Variants in TMEM17 observed in about 807,000 individuals in gnomAD.
TMEM17 encodes transmembrane protein 17.
TMEM17 carries 15 observed loss-of-function variants against 19.1 expected under a neutral mutation model. The ratio of observed to expected loss-of-function variants is 0.78; its 90% confidence interval spans 0.52 to 1.21. The LOEUF is 1.21. Among genes scored for constraint, TMEM17 ranks in the 50% most tolerant of loss-of-function variants. TMEM17 has a pLI of 0.00. For missense variants in TMEM17, 245 were observed against 242.3 expected (o/e 1.01, Z -0.07); for synonymous variants, 103 against 86.9 (o/e 1.19, Z -1.03).
At chr2:62,506,005 C>T in intron 1 of TMEM17, 25 bp downstream of exon 1, 1 of 1,593,858 alleles carries the variant, frequency 6.3e-7, no homozygotes, top group Non-Finnish European at 8.6e-7. Context: ...GGCCACACCC[C>T]CTGCACCGGG....
the TMEM17 span, among the ~76,000 whole-genome samples, chr2:62,473,286 A>T: frequency 6.6e-6 from 1 of 152,194 alleles, no homozygotes; most frequent in Non-Finnish European, 1.5e-5. Context: ...GGACCCAACC[A>T]CACCGCCAAA....
the TMEM17 span, among the ~76,000 whole-genome samples, chr2:62,488,373 G>A: frequency 6.6e-6 from 1 of 151,490 alleles, no homozygotes; most frequent in Non-Finnish European, 1.5e-5. Flanking sequence ...GCTGAATGGA[G>A]AATAAAAACC....
At chr2:62,484,047 C>T in the TMEM17 span, among the ~76,000 whole-genome samples, 1 of 152,242 alleles carries the variant, frequency 6.6e-6, no homozygotes, top group Non-Finnish European at 1.5e-5. Context: ...CAACAGTTAT[C>T]ACCATTTTAA....
chr2:62,489,537 T>C, the TMEM17 span, among the ~76,000 whole-genome samples: 1 of 152,216 alleles, frequency 6.6e-6, no homozygotes, highest in African/African-American at 2.4e-5. Flanking sequence ...TTTTGTCTTT[T>C]TCACTCTTCA....
At chr2:62,474,059 C>A in the TMEM17 span, among the ~76,000 whole-genome samples, 1 of 152,008 alleles carries the variant, frequency 6.6e-6, no homozygotes. Context: ...GGTGGAGAGG[C>A]CTTCACTGTG....
At chr2:62,475,162 G>A in the TMEM17 span, among the ~76,000 whole-genome samples, 2 of 152,234 alleles carry the variant, frequency 1.3e-5, no homozygotes, top group Non-Finnish European at 2.9e-5. Context: ...CAACCCTGGT[G>A]TATTTCCTGG....
the TMEM17 span, among the ~76,000 whole-genome samples, chr2:62,480,405 C>G: frequency 3.9e-5 from 6 of 152,084 alleles, no homozygotes; most frequent in Non-Finnish European, 5.9e-5. Flanking sequence ...TGTACAGAAG[C>G]CTTTTCAACT....
rs141132212 is a variant in TMEM17, at chr2:62,501,455, G to A, written c.351C>T (p.Ser117=). The A allele has an allele frequency of 9.9e-5, 160 of 1,612,996 alleles. No individual in the cohort carries two copies. The highest frequency in any genetic ancestry group is 1.3e-4 in the Non-Finnish European group (152 of 1,179,642). ...GAATTAAAGGTAACTGCAATAGAAGGCTCAAAAGCCAAAAGCCAGCCAACT... is the reference window on the plus strand; with the variant it reads ...GAATTAAAGGTAACTGCAATAGAAGACTCAAAAGCCAAAAGCCAGCCAACT... ...VPELAGFWLL[S]LLLQLPLILF... Residue 117 remains serine, a synonymous_variant, in exon 4 of 4, where the codon AGC becomes AGT. Coordinates refer to ENST00000335390, the MANE Select transcript of TMEM17 (RefSeq NM_198276.3).
At position 62,502,790 on chromosome 2, in the gene TMEM17, A is replaced by AT. The variant is rs1289029577; in HGVS notation, c.104dup (p.Asn35LysfsTer2). ...GCAGTGCCAAACTGGAGACCATTTC[A>AT]TTTTCTACAGAAGGAACAGAAAAGG... is the stretch of plus-strand genomic sequence containing the variant. On this transcript the variant is annotated frameshift_variant, in exon 2 of 4. Coordinates refer to ENST00000335390, the MANE Select transcript of TMEM17 (RefSeq NM_198276.3). LOFTEE classifies it high-confidence loss of function. 1 of 1,591,428 alleles carries AT rather than the reference A, an allele frequency of 6.3e-7. No individual in the cohort carries two copies. Among genetic ancestry groups the AT allele is most frequent in the East Asian group, 2.2e-5 (1 of 44,568 alleles).
At chr2:62,454,330 T>C in the TMEM17 span, among the ~76,000 whole-genome samples, 1 of 152,164 alleles carries the variant, frequency 6.6e-6, no homozygotes, top group South Asian at 2.1e-4. Flanking sequence ...AGCAGAGGCA[T>C]CAGGCATGGG....
chr2:62,501,599 G>T, intron 3 of TMEM17, 112 bp from the exon 4 acceptor site: 1 of 1,048,150 alleles, frequency 9.5e-7, no homozygotes, highest in Non-Finnish European at 1.4e-6. Flanking sequence ...CTCTGTGAGT[G>T]ATTCCAAAGG....
At chr2:62,468,295 A>T in the TMEM17 span, among the ~76,000 whole-genome samples, 9 of 152,164 alleles carry the variant, frequency 5.9e-5, no homozygotes, top group Non-Finnish European at 2.9e-5. Context: ...TAGCCTCAGG[A>T]GAGCTGGGGG....
the TMEM17 span, among the ~76,000 whole-genome samples, chr2:62,483,756 C>T: frequency 2.9e-3 from 436 of 152,080 alleles, 2 homozygotes; most frequent in African/African-American, 9.8e-3. Flanking sequence ...CGTGCCACCG[C>T]GCCCGGCTAA....
At chr2:62,469,772 T>C in the TMEM17 span, among the ~76,000 whole-genome samples, 1 of 152,258 alleles carries the variant, frequency 6.6e-6, no homozygotes, top group African/African-American at 2.4e-5. Context: ...GTGGCTTTTC[T>C]GTTGGCTGAC....
At chr2:62,501,510 T>A in intron 3 of TMEM17, 23 bp from the exon 4 acceptor site, 1 of 1,590,432 alleles carries the variant, frequency 6.3e-7, no homozygotes, top group South Asian at 1.2e-5. Flanking sequence ...ATATCAAGAG[T>A]AATAAAAATC....
intron 1 of TMEM17, among the ~76,000 whole-genome samples, chr2:62,505,316 G>T (rs1048807179): frequency 6.6e-6 from 1 of 152,188 alleles, no homozygotes; most frequent in Non-Finnish European, 1.5e-5. Flanking sequence ...GTTAAAGGAC[G>T]CAGAAGCATC....
At chr2:62,498,652 C>T (rs1157446214), downstream of TMEM17, among the ~76,000 whole-genome samples, 1 of 139,674 alleles carries the variant, frequency 7.2e-6, no homozygotes, top group African/African-American at 2.7e-5. Flanking sequence ...GGAGGCGGAG[C>T]TTGCAGTGAG....
chr2:62,505,857 G>A (rs898209363), intron 1 of TMEM17, among the ~76,000 whole-genome samples, 173 bp downstream of exon 1: 1 of 152,230 alleles, frequency 6.6e-6, no homozygotes, highest in African/African-American at 2.4e-5. Flanking sequence ...GAGGCCGCCA[G>A]CGCCTCAGCT....
the TMEM17 span, among the ~76,000 whole-genome samples, chr2:62,466,905 T>C: frequency 6.6e-5 from 10 of 152,294 alleles, no homozygotes; most frequent in East Asian, 1.9e-3. Flanking sequence ...CCTGGCTGCA[T>C]ATTGGCATCA....
Sources: gnomAD v4.1 joint callset for allele counts (sites outside exome capture counted in the v4.1 genomes callset) on GRCh38, gnomAD v4.1.1 for gene constraint, MANE v1.5 for transcripts, NCBI Gene and HGNC (gene_info 2026-07-23, HGNC 2026-07-21) for gene names.